The following NAALADL2 variants were observed in gnomAD, a reference collection of about 807,000 sequenced individuals.
The protein encoded by NAALADL2 is inactive N-acetylated-alpha-linked acidic dipeptidase-like protein 2.
Under a neutral mutation model 87.2 loss-of-function variants are expected in NAALADL2, and 76 were observed. That is an observed-to-expected ratio of 0.87 (90% CI 0.72 to 1.05). The LOEUF is 1.05. Ranked by LOEUF, NAALADL2 falls within the 50% of genes least tolerant of loss-of-function variation. The pLI is 0.00. For missense variants in NAALADL2, 1,089 were observed against 945.8 expected, an observed-to-expected ratio of 1.15 and a Z score of -1.99; for synonymous variants, 354 against 331.0, an observed-to-expected ratio of 1.07 and a Z score of -0.75.
At chr3:174,794,115 ATTATTTTCT>A (rs1308065778) in intron 3 of NAALADL2, among the ~76,000 whole-genome samples, 1 of 152,072 alleles carries the variant, frequency 6.6e-6, no homozygotes, top group Non-Finnish European at 1.5e-5. Flanking sequence ...TAGTTATGGA[ATTATTTTCT>A]TTATTTTCAA....
intron 2 of NAALADL2, among the ~76,000 whole-genome samples, chr3:175,166,392 G>A (rs1580762828): frequency 1.3e-5 from 2 of 152,038 alleles, no homozygotes. Flanking sequence ...TCTTCAAACT[G>A]TCTTCTAGCT....
At chr3:175,053,087 C>G (rs1580206723) in intron 1 of NAALADL2, among the ~76,000 whole-genome samples, 1 of 152,104 alleles carries the variant, frequency 6.6e-6, no homozygotes, top group East Asian at 1.9e-4. Flanking sequence ...TGAACAGGTT[C>G]AATTTTGTTT....
At chr3:175,398,102 T>C (rs1283804876) in intron 5 of NAALADL2, among the ~76,000 whole-genome samples, 1 of 152,172 alleles carries the variant, frequency 6.6e-6, no homozygotes, top group African/African-American at 2.4e-5. Context: ...AGAAAGTTTC[T>C]GTTCATTTGG....
At chr3:174,442,846 T>C (rs1321491501) in intron 1 of NAALADL2, among the ~76,000 whole-genome samples, 1 of 152,140 alleles carries the variant, frequency 6.6e-6, no homozygotes, top group Non-Finnish European at 1.5e-5. Flanking sequence ...GGAAGTCCTC[T>C]GGAGAAGGTG....
intron 5 of NAALADL2, among the ~76,000 whole-genome samples, chr3:175,384,359 A>G (rs1271313181): frequency 2.0e-5 from 3 of 152,056 alleles, no homozygotes; most frequent in Admixed American, 1.3e-4. Flanking sequence ...TATTCATTTG[A>G]GGACTTTTCT....
At chr3:174,741,106 GTACAT>G (rs1377338096) in intron 3 of NAALADL2, among the ~76,000 whole-genome samples, 19 of 151,834 alleles carry the variant, frequency 1.3e-4, no homozygotes, top group Middle Eastern at 3.4e-3. Context: ...CTCATGATCT[GTACAT>G]TTCTGAACCA....
intron 2 of NAALADL2, among the ~76,000 whole-genome samples, chr3:174,615,338 G>T (rs1250364334): frequency 3.3e-5 from 5 of 152,116 alleles, no homozygotes; most frequent in African/African-American, 1.2e-4. Context: ...AAATCTCTCT[G>T]CCCCAAGCTT....
intron 2 of NAALADL2, among the ~76,000 whole-genome samples, chr3:175,123,809 A>G (rs1726507244): frequency 6.6e-6 from 1 of 152,008 alleles, no homozygotes; most frequent in South Asian, 2.1e-4. Flanking sequence ...GTGCTCTGAC[A>G]GTATATTAGC....
intron 1 of NAALADL2, among the ~76,000 whole-genome samples, chr3:174,948,426 C>T (rs1739803423): frequency 6.6e-6 from 1 of 152,160 alleles, no homozygotes; most frequent in South Asian, 2.1e-4. Context: ...ATCCACCCGC[C>T]TCGGCCTCTC....
At chr3:175,347,985 G>A (rs748415677) in intron 5 of NAALADL2, among the ~76,000 whole-genome samples, 3 of 152,028 alleles carry the variant, frequency 2.0e-5, no homozygotes, top group East Asian at 3.9e-4. Flanking sequence ...AACATGCAGT[G>A]TTTGGTTTAG....
At position 175,730,425 on chromosome 3, in the gene NAALADL2, T is replaced by G. The variant is rs1280449333; in HGVS notation, c.1897-6881T>G. ...ATATATATATATATATATATATATA[T>G]ATATATATATATATATATACACACA... On this transcript the variant is annotated intron_variant, in intron 11 of 13. Transcript: ENST00000454872. 4.1e-5 allele frequency among the ~76,000 whole-genome samples: 4 copies of G among 98,264 alleles called. No homozygotes were observed. In the East Asian group the frequency reaches 7.3e-4, roughly 18 times the overall value. 64.5% of individuals were successfully genotyped at this position (98,264 alleles called of 152,430 possible). A position where few individuals can be genotyped will look rare whatever the true frequency, so the allele number is the denominator to read the frequency against.
In NAALADL2 at chr3:175,096,906, A is replaced by G. The variant is rs1189290679; in HGVS notation, c.160A>G (p.Lys54Glu). The G allele has an allele frequency of 6.2e-7, 1 of 1,613,452 alleles. No homozygotes were observed. The highest frequency in any genetic ancestry group is 1.7e-5 in the Admixed American group (1 of 59,848). The change falls in exon 2 of 14, where the codon AAG becomes GAG. Residue 54 changes from lysine (K) to glutamate (E), a missense_variant. Physicochemically the swap from Lys to Glu is moderately conservative, Grantham distance 56. Coordinates refer to ENST00000454872, the MANE Select transcript of NAALADL2 (RefSeq NM_207015.3). Reference protein sequence around the residue: ...TALDLEWDMEKELEESGFDQF... With the variant: ...TALDLEWDMEEELEESGFDQF... ...CCTTGACTTAGAGTGGGACATGGAG[A>G]AGGAACTAGAGGAGTCTGGTTTTGA... is the stretch of plus-strand genomic sequence containing the variant.
At chr3:175,170,255 T>A (rs1734601950) in intron 2 of NAALADL2, among the ~76,000 whole-genome samples, 1 of 151,468 alleles carries the variant, frequency 6.6e-6, no homozygotes, top group Non-Finnish European at 1.5e-5. Context: ...CTTCATTACA[T>A]GAAAATAAAT....
At chr3:174,941,390 T>C (rs943712629) in intron 1 of NAALADL2, among the ~76,000 whole-genome samples, 4 of 152,196 alleles carry the variant, frequency 2.6e-5, no homozygotes, top group Admixed American at 6.6e-5. Flanking sequence ...TTCTTTTACA[T>C]TTGCTGTGGA....
At chr3:175,305,000 G>C (rs1358373873) in intron 4 of NAALADL2, among the ~76,000 whole-genome samples, 2 of 151,846 alleles carry the variant, frequency 1.3e-5, no homozygotes, top group East Asian at 3.9e-4. Context: ...TGTTCCAAAA[G>C]TTTCATTGTT....
At chr3:175,349,345 T>G (rs1401793506) in intron 5 of NAALADL2, among the ~76,000 whole-genome samples, 5 of 151,004 alleles carry the variant, frequency 3.3e-5, no homozygotes, top group Non-Finnish European at 7.4e-5. Flanking sequence ...ACAGGGGAGG[T>G]GCATGTACCA....
chr3:174,926,429 G>A (rs1413303937), intron 1 of NAALADL2, among the ~76,000 whole-genome samples: 1 of 152,062 alleles, frequency 6.6e-6, no homozygotes, highest in African/African-American at 2.4e-5. Flanking sequence ...TTGAAATGAA[G>A]GAAAAATGTT....
At chr3:174,738,739 G>T (rs1338417094) in intron 3 of NAALADL2, among the ~76,000 whole-genome samples, 1 of 152,108 alleles carries the variant, frequency 6.6e-6, no homozygotes, top group Non-Finnish European at 1.5e-5. Context: ...AACACTTATT[G>T]CCTAGCATTT....
intron 1 of NAALADL2, among the ~76,000 whole-genome samples, chr3:174,509,529 G>T (rs1486200073): frequency 7.2e-6 from 1 of 139,468 alleles, no homozygotes; most frequent in African/African-American, 2.6e-5. Flanking sequence ...AGCCTCCTAA[G>T]TAACTGGGAT....
Sources: gnomAD v4.1 joint callset for allele counts (sites outside exome capture counted in the v4.1 genomes callset) on GRCh38, gnomAD v4.1.1 for gene constraint, MANE v1.5 for transcripts, NCBI Gene and HGNC (gene_info 2026-07-23, HGNC 2026-07-21) for gene names.